CCDC30: variants seen among roughly 807,000 people sequenced by gnomAD.
The protein encoded by CCDC30 is coiled-coil domain-containing protein 30.
In CCDC30, 70 loss-of-function variants were observed where a neutral mutation model predicts 100.2. The observed-to-expected ratio is 0.70, with a 90% CI of 0.58 to 0.85. The LOEUF is 0.85. CCDC30 is among the 40% of genes least tolerant of loss of function. The pLI, the probability that CCDC30 is intolerant of heterozygous loss-of-function variation, is 0.00. For synonymous variants in CCDC30, 233 were observed against 269.5 expected (o/e 0.86, Z 1.33); for missense variants, 652 against 771.2 (o/e 0.85, Z 1.83).
chr1:42,558,138 G>C (rs563214004), intron 6 of CCDC30: 59 of 314,234 alleles, frequency 1.9e-4, no homozygotes, highest in African/African-American at 1.3e-3. Context: ...TACTCTGGCA[G>C]AGTGACTGAA....
chr1:42,573,517 G>T (rs1021321710), intron 7 of CCDC30, among the ~76,000 whole-genome samples: 18 of 151,590 alleles, frequency 1.2e-4, no homozygotes, highest in Non-Finnish European at 4.4e-5. Flanking sequence ...GATTTTCTAT[G>T]CAAGTAATCA....
In CCDC30 at chr1:42,516,124, A is replaced by G. The variant is rs567617485; in HGVS notation, c.456+17208A>G. ...CTTTTTCTTGAGGAACTGTCATACT[A>G]TTCTCCACAGGAACTATATCACTTT... On this transcript the variant is annotated intron_variant, in intron 6 of 16. Coordinates refer to ENST00000668663, the Ensembl canonical transcript of CCDC30. Among the ~76,000 whole-genome samples the G allele has an allele frequency of 1.4e-3, 213 of 152,350 alleles. 1 individual carries two copies. The highest frequency in any genetic ancestry group is 4.9e-3 in the African/African-American group (204 of 41,582).
At chr1:42,613,833 A>G (rs540612050) in intron 11 of CCDC30, among the ~76,000 whole-genome samples, 206 of 152,188 alleles carry the variant, frequency 1.4e-3, no homozygotes, top group African/African-American at 4.9e-3. Context: ...TGTGACCTGT[A>G]TCTTGTGCCG....
intron 12 of CCDC30, among the ~76,000 whole-genome samples, chr1:42,639,966 CAAAA>C (rs71065187): frequency 1.7e-5 from 2 of 120,994 alleles, no homozygotes. Context: ...AACTTCGTCT[CAAAA>C]AAAAAAAAAA....
chr1:42,498,742 A>G (rs955711759), intron 5 of CCDC30, 76 bp from the exon 6 acceptor site: 4 of 606,548 alleles, frequency 6.6e-6, no homozygotes, highest in African/African-American at 1.9e-5. Flanking sequence ...TATTACTTGT[A>G]TAATTAAAAA....
chr1:42,518,486 A>G (rs902414559), intron 6 of CCDC30, among the ~76,000 whole-genome samples: 7 of 152,156 alleles, frequency 4.6e-5, no homozygotes, highest in African/African-American at 1.4e-4. Flanking sequence ...TTTTCATTGT[A>G]CCTTTTCTGA....
chr1:42,563,607 G>A (rs1027961377), intron 6 of CCDC30, among the ~76,000 whole-genome samples: 5 of 152,098 alleles, frequency 3.3e-5, no homozygotes, highest in African/African-American at 1.2e-4. Flanking sequence ...GTGGCTGGGC[G>A]CGCTGGCTCA....
intron 6 of CCDC30, among the ~76,000 whole-genome samples, chr1:42,557,104 G>C (rs1645386023): frequency 6.6e-6 from 1 of 152,068 alleles, no homozygotes; most frequent in African/African-American, 2.4e-5. Flanking sequence ...AAATTATTTT[G>C]AGATCCACAG....
At chr1:42,638,552 C>T (rs1347262392) in intron 12 of CCDC30, among the ~76,000 whole-genome samples, 3 of 129,850 alleles carry the variant, frequency 2.3e-5, no homozygotes, top group Non-Finnish European at 4.9e-5. Context: ...TTAATAGCAC[C>T]CATGGGCAAA....
intron 13 of CCDC30, 77 bp downstream of exon 17, chr1:42,642,686 G>C: frequency 7.6e-7 from 1 of 1,322,276 alleles, no homozygotes; most frequent in South Asian, 2.5e-5. Context: ...TGGTTCTAGA[G>C]ACTGTCCTTT....
chr1:42,457,288 T>A, the CCDC30 span: 1 of 1,614,192 alleles, frequency 6.2e-7, no homozygotes, highest in East Asian at 2.2e-5. Flanking sequence ...TGTGTCAGAT[T>A]TCTATGTTCC....
intron 10 of CCDC30, among the ~76,000 whole-genome samples, chr1:42,605,550 C>T (rs1003347515): frequency 5.9e-5 from 9 of 152,276 alleles, no homozygotes; most frequent in African/African-American, 1.9e-4. Context: ...GCCATCATGG[C>T]TCACTGTAGC....
intron 6 of CCDC30, among the ~76,000 whole-genome samples, chr1:42,508,579 C>T (rs898746943): frequency 5.9e-5 from 9 of 152,108 alleles, no homozygotes; most frequent in Admixed American, 2.0e-4. Context: ...TAACACAATG[C>T]GAAACAGAAC....
chr1:42,456,924 C>A, the CCDC30 span: 1 of 1,609,566 alleles, frequency 6.2e-7, no homozygotes, highest in Non-Finnish European at 8.5e-7. Context: ...AGCCTGGAGG[C>A]CGAGGAGAAT....
chr1:42,537,675 A>G (rs1644931027), intron 6 of CCDC30: 1 of 177,762 alleles, frequency 5.6e-6, no homozygotes, highest in Non-Finnish European at 1.2e-5. Context: ...AATCTGTTAA[A>G]AATCTGCATT....
chr1:42,625,034 CTT>C (rs200143514), intron 11 of CCDC30, among the ~76,000 whole-genome samples: 5 of 151,594 alleles, frequency 3.3e-5, no homozygotes, highest in African/African-American at 1.2e-4. Context: ...TACTGGGGGA[CTT>C]TTTTTTATGG....
chr1:42,533,652 G>A (rs571444355), intron 6 of CCDC30, among the ~76,000 whole-genome samples: 9 of 152,280 alleles, frequency 5.9e-5, no homozygotes, highest in South Asian at 2.1e-4. Flanking sequence ...CACATAAACC[G>A]CTTCCACCTA....
At chr1:42,490,008 G>GA in intron 3 of CCDC30, 150 bp from the exon 4 acceptor site, 1 of 336,930 alleles carries the variant, frequency 3.0e-6, no homozygotes, top group Non-Finnish European at 5.3e-6. Context: ...AGAAGTCTGG[G>GA]AAAATTCCCT....
chr1:42,536,718 C>A, intron 6 of CCDC30, 117 bp downstream of exon 7: 1 of 714,088 alleles, frequency 1.4e-6, no homozygotes, highest in Admixed American at 2.4e-5. Flanking sequence ...CATAACCAAA[C>A]ACCACAGACT....
Sources: gnomAD v4.1 joint callset for allele counts (sites outside exome capture counted in the v4.1 genomes callset) on GRCh38, gnomAD v4.1.1 for gene constraint, MANE v1.5 for transcripts, NCBI Gene and HGNC (gene_info 2026-07-23, HGNC 2026-07-21) for gene names.